NTNG2: variants seen among roughly 807,000 people sequenced by gnomAD.
NTNG2 encodes netrin-G2.
In NTNG2, 15 loss-of-function variants were observed where a neutral mutation model predicts 47.6. The observed-to-expected ratio is 0.32, with a 90% CI of 0.21 to 0.49. NTNG2 has a LOEUF of 0.49. NTNG2 is among the 20% of genes least tolerant of loss of function. The pLI is 0.99. For missense variants in NTNG2, 578 were observed against 764.6 expected, an observed-to-expected ratio of 0.76 and a Z score of 2.88; for synonymous variants, 307 against 324.6, an observed-to-expected ratio of 0.95 and a Z score of 0.58.
intron 2 of NTNG2, among the ~76,000 whole-genome samples, chr9:132,191,066 G>A (rs930913194): frequency 1.3e-5 from 2 of 152,216 alleles, no homozygotes; most frequent in Non-Finnish European, 1.5e-5. Context: ...TGTCTTATCT[G>A]AGACGTGGAG....
In NTNG2 at chr9:132,163,388, G is replaced by A. The variant is rs1417130307; in HGVS notation, c.-484+1149G>A. Among the ~76,000 whole-genome samples, 2 of 151,230 alleles carry A rather than the reference G, an allele frequency of 1.3e-5. No individual in the cohort carries two copies. The highest frequency in any genetic ancestry group is 3.0e-5 in the Non-Finnish European group (2 of 67,662). ...CCCGCGGGCGGGGACCCAGGGGCCGGATAAAGGGCCCGCTCCGGAGCGGGG... is the reference window on the plus strand; with the variant it reads ...CCCGCGGGCGGGGACCCAGGGGCCGAATAAAGGGCCCGCTCCGGAGCGGGG... On this transcript the variant is annotated intron_variant, in intron 1 of 7. Transcript: ENST00000393229. This position sits in a 1 kb window ranked among gnomAD's most constrained non-coding sequence, Gnocchi z 7.2.
intron 3 of NTNG2, among the ~76,000 whole-genome samples, chr9:132,225,207 A>G (rs1161408925): frequency 2.6e-5 from 4 of 151,296 alleles, no homozygotes; most frequent in Non-Finnish European, 5.9e-5. Context: ...ATAAACCACC[A>G]TGGCTGGCCC....
intron 2 of NTNG2, among the ~76,000 whole-genome samples, chr9:132,183,023 C>T (rs958178719): frequency 6.6e-6 from 1 of 152,214 alleles, no homozygotes; most frequent in Admixed American, 6.5e-5. Flanking sequence ...CCAGGCCTGC[C>T]CTGGAGCCCT....
chr9:132,240,506 G>A (rs769842414), intron 6 of NTNG2: 3 of 299,644 alleles, frequency 1.0e-5, no homozygotes, highest in Non-Finnish European at 1.9e-5. Flanking sequence ...GAGCTATGGA[G>A]GGGGGCCACC....
chr9:132,188,345 G>A (rs376465254), intron 2 of NTNG2, among the ~76,000 whole-genome samples: 10 of 152,248 alleles, frequency 6.6e-5, no homozygotes, highest in Non-Finnish European at 1.2e-4. Context: ...CTGCCTCCCC[G>A]TGGAACCCGA....
chr9:132,239,159 G>A lies in NTNG2; in HGVS notation c.1110G>A (p.Val370=), dbSNP rs146757880. 1.2e-6 allele frequency: 2 copies of A among 1,613,840 alleles called. No individual in the cohort carries two copies. Among genetic ancestry groups the A allele is most frequent in the Non-Finnish European group, 8.5e-7 (1 of 1,180,010 alleles). Residue 370 remains valine, a synonymous_variant, in exon 6 of 8, where the codon GTG becomes GTA. Coordinates refer to ENST00000393229, the MANE Select transcript of NTNG2 (RefSeq NM_032536.4). ...NRCSYIDFLN[V]VTCVSCKHNT... ...GCAGCTACATTGACTTCCTGAATGTGGTGACCTGCGTCAGCTGCAAGCACA... is the reference window on the plus strand; with the variant it reads ...GCAGCTACATTGACTTCCTGAATGTAGTGACCTGCGTCAGCTGCAAGCACA...
At chr9:132,216,414 C>CTCTCTGTGTGTGTG (rs1554790515) in intron 3 of NTNG2, among the ~76,000 whole-genome samples, 3 of 110,334 alleles carry the variant, frequency 2.7e-5, no homozygotes, top group East Asian at 2.6e-4. Context: ...CTCTCTCTCT[C>CTCTCTGTGTGTGTG]TGTGTGTGTG....
At chr9:132,239,478 C>T (rs117336340) in intron 6 of NTNG2, among the ~76,000 whole-genome samples, 254 of 152,352 alleles carry the variant, frequency 1.7e-3, no homozygotes, top group Admixed American at 3.1e-3. Context: ...TGCGGTTCTC[C>T]GGTAAGTTTT....
rs1299644035 is a variant in NTNG2 at position 132,218,351 on chromosome 9, G to T, written c.858-8498G>T. Among the ~76,000 whole-genome samples the T allele has an allele frequency of 6.6e-6, 1 of 152,228 alleles. No homozygotes were observed. Among genetic ancestry groups the T allele is most frequent in the African/African-American group, 2.4e-5 (1 of 41,460 alleles). On this transcript the variant is annotated intron_variant, in intron 3 of 7. Transcript: ENST00000393229. This position sits in a 1 kb window ranked among gnomAD's most constrained non-coding sequence, Gnocchi z 5.4. The stretch of plus-strand genomic sequence containing the variant: ...GATAATAATGACATGTCATTCAGGG[G>T]ATTGCTGTGAAGGGCTAATGTTCTA...
intron 4 of NTNG2, 124 bp downstream of exon 4, chr9:132,227,145 G>A (rs1328941277): frequency 6.6e-6 from 7 of 1,052,898 alleles, no homozygotes; most frequent in Non-Finnish European, 9.3e-6. Flanking sequence ...GTGTGCACAT[G>A]CATGCAAACG....
Position 132,195,144 on chromosome 9 carries a change from T to G in NTNG2, c.214-2822T>G, listed in dbSNP as rs74901590. On this transcript the variant is annotated intron_variant, in intron 2 of 7. Transcript: ENST00000393229. ...TTCATTCATTAATAGACTTTATATT[T>G]TAAAGCAGTTTTAGATTTACAGAAA... is the stretch of plus-strand genomic sequence containing the variant. Among the ~76,000 whole-genome samples the G allele has an allele frequency of 2.5e-3, 375 of 152,318 alleles. 2 individuals carry two copies. Among genetic ancestry groups the G allele is most frequent in the African/African-American group, 8.4e-3 (350 of 41,558 alleles).
chr9:132,195,418 C>T (rs1838218242), intron 2 of NTNG2, among the ~76,000 whole-genome samples: 1 of 151,888 alleles, frequency 6.6e-6, no homozygotes, highest in East Asian at 1.9e-4. Context: ...ATGCCATTCT[C>T]CTGCCTCAGC....
At chr9:132,175,562 C>T (rs928247040) in intron 2 of NTNG2, among the ~76,000 whole-genome samples, 1 of 152,208 alleles carries the variant, frequency 6.6e-6, no homozygotes, top group African/African-American at 2.4e-5. Context: ...ACAGGAGAAA[C>T]GGCAGATGAT....
chr9:132,215,689 GTTGA>G lies in NTNG2; in HGVS notation c.858-11157_858-11154del, dbSNP rs755800178. On this transcript the variant is annotated intron_variant, in intron 3 of 7. Transcript: ENST00000393229. This position sits in a 1 kb window ranked among gnomAD's most constrained non-coding sequence, Gnocchi z 4.2. The stretch of plus-strand genomic sequence containing the variant: ...GGCGCCCCAGGGGCCTGGAGAATAG[GTTGA>G]TTATCTCTATTTTGGGGAGCTGCAG... 4.6e-5 allele frequency among the ~76,000 whole-genome samples: 7 copies of G among 152,094 alleles called. No homozygotes were observed. The highest frequency in any genetic ancestry group is 1.0e-4 in the Non-Finnish European group (7 of 68,038).
chr9:132,209,526 C>T (rs1368982373), intron 3 of NTNG2, among the ~76,000 whole-genome samples: 2 of 152,180 alleles, frequency 1.3e-5, no homozygotes, highest in Admixed American at 6.5e-5. Context: ...GCCCCAAAGC[C>T]ACGCGGGAGC....
chr9:132,187,447 G>A (rs1837478002), intron 2 of NTNG2, among the ~76,000 whole-genome samples: 1 of 152,156 alleles, frequency 6.6e-6, no homozygotes, highest in African/African-American at 2.4e-5. Flanking sequence ...ATCTGGAAAG[G>A]GAAGGAGAGA....
chr9:132,188,829 C>T (rs1010758082), intron 2 of NTNG2, among the ~76,000 whole-genome samples: 7 of 152,106 alleles, frequency 4.6e-5, no homozygotes, highest in African/African-American at 1.4e-4. Context: ...GAAGATTTCC[C>T]GAGTCCCTGA....
chr9:132,186,059 G>A (rs983092746), intron 2 of NTNG2, among the ~76,000 whole-genome samples: 5 of 152,216 alleles, frequency 3.3e-5, no homozygotes, highest in Non-Finnish European at 7.3e-5. Context: ...CATAGCCAGA[G>A]AAAAATAGGG....
intron 2 of NTNG2, among the ~76,000 whole-genome samples, chr9:132,196,408 G>A (rs1838321110): frequency 6.6e-6 from 1 of 151,896 alleles, no homozygotes; most frequent in Non-Finnish European, 1.5e-5. Flanking sequence ...GGTCAGGCTT[G>A]TCTTGAACTC....
Sources: allele counts gnomAD v4.1 joint callset (sites outside exome capture counted in the v4.1 genomes callset), GRCh38; gene constraint gnomAD v4.1.1; non-coding constraint Gnocchi (gnomAD v3.1); transcripts MANE v1.5; gene names NCBI Gene and HGNC (gene_info 2026-07-23, HGNC 2026-07-21).